The following PPP1R42 variants were observed in gnomAD, a reference collection of about 807,000 sequenced individuals.
PPP1R42 encodes the protein protein phosphatase 1 regulatory subunit 42.
Under a neutral mutation model 31.0 loss-of-function variants are expected in PPP1R42, and 34 were observed. The observed-to-expected ratio is 1.10, with a 90% CI of 0.83 to 1.46. PPP1R42 has a LOEUF of 1.46. PPP1R42 is among the 40% of genes most tolerant of loss of function. PPP1R42 has a pLI of 0.00. For synonymous variants in PPP1R42, 103 were observed against 109.8 expected, an observed-to-expected ratio of 0.94 and a Z score of 0.39; for missense variants, 268 against 303.0, an observed-to-expected ratio of 0.88 and a Z score of 0.86.
At chr8:66,967,251 T>C (rs1217505039) in intron 7 of PPP1R42, among the ~76,000 whole-genome samples, 2 of 152,190 alleles carry the variant, frequency 1.3e-5, no homozygotes, top group Non-Finnish European at 2.9e-5. Flanking sequence ...GCTGGAATTA[T>C]AGGCATGAGC....
At chr8:66,995,816 A>G (rs573231442) in intron 5 of PPP1R42, among the ~76,000 whole-genome samples, 41 of 152,342 alleles carry the variant, frequency 2.7e-4, no homozygotes, top group African/African-American at 9.4e-4. Flanking sequence ...CAGGGCTTAT[A>G]ACAAAACCAC....
chr8:66,979,633 T>G (rs898693282), intron 7 of PPP1R42, among the ~76,000 whole-genome samples: 2 of 152,170 alleles, frequency 1.3e-5, no homozygotes, highest in African/African-American at 2.4e-5. Flanking sequence ...ATAGCTTTGT[T>G]GTATATCTTG....
At chr8:67,017,404 G>C (rs1017735675) in intron 2 of PPP1R42, among the ~76,000 whole-genome samples, 1 of 152,090 alleles carries the variant, frequency 6.6e-6, no homozygotes, top group Non-Finnish European at 1.5e-5. Context: ...TGAGGTACAA[G>C]AGTCGCTTGA....
intron 7 of PPP1R42, among the ~76,000 whole-genome samples, chr8:66,978,885 C>T (rs564424771): frequency 1.3e-5 from 2 of 151,920 alleles, no homozygotes; most frequent in African/African-American, 4.8e-5. Context: ...CTGTTCAGAT[C>T]CTTTGCCCAT....
At chr8:67,010,518 G>A (rs1815810438) in intron 5 of PPP1R42, 197 bp downstream of exon 5, 1 of 497,060 alleles carries the variant, frequency 2.0e-6, no homozygotes, top group East Asian at 3.8e-5. Context: ...ACAGGTATTG[G>A]AGTATAAAGG....
intron 7 of PPP1R42, among the ~76,000 whole-genome samples, chr8:66,975,411 G>A (rs1814641559): frequency 6.6e-6 from 1 of 152,182 alleles, no homozygotes; most frequent in South Asian, 2.1e-4. Context: ...ACTTTGGAAG[G>A]CCAAGGTGGG....
In PPP1R42 at chr8:67,022,154, A is replaced by C. The variant is rs559098069; in HGVS notation, c.-84-4323T>G. Among the ~76,000 whole-genome samples the C allele has an allele frequency of 2.6e-5, 4 of 152,310 alleles. No homozygotes were observed. The East Asian group carries it at 7.7e-4, about 29-fold the overall frequency. The stretch of plus-strand genomic sequence containing the variant: ...AGTAAAAGAGTTCCCACTGCTCTGC[A>C]CCATTGTTGGCACCTGATATTGGCA... On this transcript the variant is annotated intron_variant, in intron 1 of 7. Coordinates refer to ENST00000685739, the MANE Select transcript of PPP1R42 (RefSeq NM_001364910.1).
intron 1 of PPP1R42, among the ~76,000 whole-genome samples, chr8:67,023,254 G>A (rs1816280227): frequency 6.6e-6 from 1 of 152,102 alleles, no homozygotes; most frequent in African/African-American, 2.4e-5. Context: ...GGGACTACAA[G>A]CCTGCGCCAG....
intron 7 of PPP1R42, among the ~76,000 whole-genome samples, chr8:66,967,532 T>G (rs2130908726): frequency 6.6e-6 from 1 of 152,358 alleles, no homozygotes; most frequent in Non-Finnish European, 1.5e-5. Flanking sequence ...AATTCTTCCC[T>G]AAGCACATAG....
In PPP1R42 at chr8:66,971,261, A is replaced by T. The variant is rs775396767; in HGVS notation, c.803-6927T>A. On this transcript the variant is annotated intron_variant, in intron 7 of 7. Coordinates refer to ENST00000685739, the MANE Select transcript of PPP1R42 (RefSeq NM_001364910.1). ...TAAAGCCAAATGAATACACAGTAAA[A>T]CTAGTAATAAAATTAATAACCCGAG... 825 of 607,756 alleles carry T rather than the reference A, an allele frequency of 1.4e-3. 1 individual carries two copies. The highest frequency in any genetic ancestry group is 1.5e-3 in the Non-Finnish European group (597 of 401,622). The allele number at this position is 607,756 out of a possible 1,614,324, so 37.6% of individuals were successfully genotyped here.
At chr8:67,003,022 G>A (rs1815550090) in intron 5 of PPP1R42, among the ~76,000 whole-genome samples, 1 of 150,414 alleles carries the variant, frequency 6.6e-6, no homozygotes, top group African/African-American at 2.4e-5. Context: ...AAAATTAGCT[G>A]GGCGTGGTGG....
chr8:67,015,598 CTTTTTTT>C (rs375638249), intron 2 of PPP1R42, among the ~76,000 whole-genome samples: 106 of 135,466 alleles, frequency 7.8e-4, no homozygotes, highest in Admixed American at 1.4e-3. Context: ...ACATCAATTA[CTTTTTTT>C]TTTTTTTTTT....
intron 5 of PPP1R42, among the ~76,000 whole-genome samples, chr8:66,991,645 A>G (rs925201739): frequency 4.6e-5 from 7 of 151,984 alleles, no homozygotes; most frequent in Admixed American, 6.6e-5. Context: ...ATTTTTCTCA[A>G]CAAAGGAAGA....
chr8:66,964,387 C>A, intron 7 of PPP1R42, 53 bp from the exon 8 acceptor site: 1 of 978,568 alleles, frequency 1.0e-6, no homozygotes, highest in Non-Finnish European at 1.3e-6. Context: ...ATGAAAGTAT[C>A]CCTAAAAGGT....
chr8:66,990,420 T>A (rs1815157387), intron 5 of PPP1R42, among the ~76,000 whole-genome samples: 1 of 152,208 alleles, frequency 6.6e-6, no homozygotes, highest in Non-Finnish European at 1.5e-5. Flanking sequence ...TGAAATACGA[T>A]TACCCTTTGG....
intron 5 of PPP1R42, among the ~76,000 whole-genome samples, chr8:67,000,187 G>A (rs1309935519): frequency 6.6e-6 from 1 of 151,142 alleles, no homozygotes; most frequent in Non-Finnish European, 1.5e-5. Flanking sequence ...TTTTCTTGCT[G>A]CTTGAGGTAC....
chr8:67,007,087 A>G (rs1389478571), intron 5 of PPP1R42, among the ~76,000 whole-genome samples: 1 of 149,938 alleles, frequency 6.7e-6, no homozygotes, highest in Non-Finnish European at 1.5e-5. Flanking sequence ...CATGTTGGCC[A>G]GGCTGGTCTC....
intron 7 of PPP1R42, among the ~76,000 whole-genome samples, chr8:66,978,643 C>A (rs929246669): frequency 5.9e-5 from 9 of 152,122 alleles, no homozygotes; most frequent in Non-Finnish European, 1.3e-4. Context: ...TTCCTGAACT[C>A]CTGACTTCAA....
At chr8:67,003,735 C>T (rs1815580709) in intron 5 of PPP1R42, among the ~76,000 whole-genome samples, 2 of 151,678 alleles carry the variant, frequency 1.3e-5, no homozygotes, top group Admixed American at 1.3e-4. Context: ...TTTTTTTTTC[C>T]CCTGCCTTAT....
Sources: allele counts gnomAD v4.1 joint callset (sites outside exome capture counted in the v4.1 genomes callset), GRCh38; gene constraint gnomAD v4.1.1; transcripts MANE v1.5; gene names NCBI Gene and HGNC (gene_info 2026-07-23, HGNC 2026-07-21).